Variants in APP observed in about 807,000 individuals in gnomAD.
The protein encoded by APP is amyloid-beta precursor protein.
In APP, 31 loss-of-function variants were observed where a neutral mutation model predicts 101.4. The ratio of observed to expected loss-of-function variants is 0.31; its 90% CI spans 0.23 to 0.41. The LOEUF (loss-of-function observed/expected upper bound fraction) is 0.41. Ranked by LOEUF, APP falls within the 10% of genes least tolerant of loss-of-function variation. The probability of loss-of-function intolerance (pLI) is 1.00; values close to 1 mark genes in which losing one functional copy is unlikely to be tolerated. For synonymous variants in APP, 366 were observed against 364.4 expected (o/e 1.00, Z -0.05); for missense variants, 839 against 1,003.7 (o/e 0.84, Z 2.22).
chr21:26,109,831 C>T lies in APP; in HGVS notation c.225+2148G>A, dbSNP rs148202945. Among the ~76,000 whole-genome samples the T allele has an allele frequency of 2.6e-3, 397 of 152,106 alleles. 5 individuals are homozygous for T. Among genetic ancestry groups the T allele is most frequent in the East Asian group, 0.016 (81 of 5,166 alleles). ...ACTATGACACATGTATCAAAATAGT[C>T]GATTCACCAGAAAAGGACAATTTGG... is the stretch of plus-strand genomic sequence containing the variant. On this transcript the variant is annotated intron_variant, in intron 2 of 17. Coordinates refer to ENST00000346798, the MANE Select transcript of APP (RefSeq NM_000484.4).
intron 13 of APP, among the ~76,000 whole-genome samples, chr21:25,953,701 T>C (rs945848339): frequency 6.6e-6 from 1 of 152,220 alleles, no homozygotes; most frequent in Non-Finnish European, 1.5e-5. Flanking sequence ...GTGAAGTAAG[T>C]TAAACAGTTA....
At chr21:26,140,257 C>A in intron 1 of APP, 1 of 1,535,984 alleles carries the variant, frequency 6.5e-7, no homozygotes, top group South Asian at 1.2e-5. Context: ...TGGAATACTC[C>A]CTGAGATCAA....
chr21:26,062,096 G>A (rs1357297028), intron 3 of APP, among the ~76,000 whole-genome samples: 1 of 152,010 alleles, frequency 6.6e-6, no homozygotes, highest in Non-Finnish European at 1.5e-5. Context: ...TATAGTCCCA[G>A]CTACTCGGGA....
intron 17 of APP, 39 bp from the exon 18 acceptor site, chr21:25,881,810 C>T: frequency 1.3e-6 from 2 of 1,588,480 alleles, no homozygotes; most frequent in South Asian, 2.2e-5. Flanking sequence ...AAATAAAAAT[C>T]AATCTTTTAA....
chr21:25,901,301 A>C (rs1224861336), intron 15 of APP, among the ~76,000 whole-genome samples: 3,941 of 66,688 alleles, frequency 0.059, 213 homozygotes, highest in African/African-American at 0.17. Flanking sequence ...TGTTTTAAAA[A>C]AAAAAAAAAA....
chr21:26,101,552 A>G (rs2062058299), intron 2 of APP, among the ~76,000 whole-genome samples: 1 of 152,200 alleles, frequency 6.6e-6, no homozygotes, highest in Non-Finnish European at 1.5e-5. Flanking sequence ...AAGACTGAAC[A>G]GGCAGCCTTC....
intron 7 of APP, among the ~76,000 whole-genome samples, chr21:25,998,023 GGA>G (rs1432718581): frequency 2.0e-5 from 3 of 152,152 alleles, no homozygotes; most frequent in African/African-American, 4.8e-5. Context: ...CTGATCAAAG[GGA>G]GAGAGTGTTA....
chr21:25,982,412 T>C lies in APP; in HGVS notation c.1156A>G (p.Asn386Asp). 1 of 1,613,308 alleles carries C rather than the reference T, an allele frequency of 6.2e-7. No individual in the cohort carries two copies. The highest frequency in any genetic ancestry group is 1.3e-5 in the African/African-American group (1 of 74,890). The change falls in exon 9 of 18, where the codon AAT (asparagine) becomes GAT (aspartate). Residue 386 changes from asparagine to aspartate, a missense_variant. Asn to Asp is a conservative substitution (Grantham distance 23). Coordinates refer to ENST00000346798, the MANE Select transcript of APP (RefSeq NM_000484.4). ...DKYLETPGDE[N>D]EHAHFQKAKE... ...GCTTTCTGGAAATGGGCATGTTCAT[T>C]CTCATCCCCAGGTGTCTCGAGATAC...
chr21:25,999,236 G>A (rs2043175722), intron 7 of APP, among the ~76,000 whole-genome samples: 1 of 152,128 alleles, frequency 6.6e-6, no homozygotes, highest in African/African-American at 2.4e-5. Context: ...AGGTTGCAGT[G>A]AGCCAAGATC....
chr21:26,132,076 CAAAA>C (rs1028233528), intron 1 of APP, among the ~76,000 whole-genome samples: 2 of 151,668 alleles, frequency 1.3e-5, no homozygotes, highest in African/African-American at 4.8e-5. Context: ...AAAAAATAAA[CAAAA>C]AAATAAGCAA....
At chr21:26,029,591 T>C (rs906319501) in intron 5 of APP, among the ~76,000 whole-genome samples, 1 of 151,878 alleles carries the variant, frequency 6.6e-6, no homozygotes, top group East Asian at 2.0e-4. Flanking sequence ...GGGTAGAGCA[T>C]GTGCAAAGGC....
intron 4 of APP, among the ~76,000 whole-genome samples, chr21:26,052,440 T>C (rs1212148078): frequency 2.7e-5 from 4 of 148,798 alleles, no homozygotes; most frequent in Admixed American, 2.0e-4. Flanking sequence ...TAATTCTAGT[T>C]AGCCTAAGAC....
At chr21:26,038,296 TATTG>T (rs2045213627) in intron 5 of APP, among the ~76,000 whole-genome samples, 1 of 152,160 alleles carries the variant, frequency 6.6e-6, no homozygotes. Context: ...TACGTATTAT[TATTG>T]ATTATGATTA....
intron 1 of APP, among the ~76,000 whole-genome samples, chr21:26,156,250 A>C (rs557362401): frequency 6.6e-6 from 1 of 152,270 alleles, no homozygotes; most frequent in Non-Finnish European, 1.5e-5. Context: ...GTATGAATAG[A>C]CCATTTTTAT....
At chr21:26,008,044 A>T (rs1378970861) in intron 6 of APP, among the ~76,000 whole-genome samples, 1 of 124,818 alleles carries the variant, frequency 8.0e-6, no homozygotes, top group African/African-American at 3.1e-5. Flanking sequence ...TGCTAATGAA[A>T]GCACTGCTTC....
intron 13 of APP, among the ~76,000 whole-genome samples, chr21:25,916,674 T>G (rs1357127843): frequency 6.6e-6 from 1 of 152,198 alleles, no homozygotes; most frequent in Non-Finnish European, 1.5e-5. Flanking sequence ...TTTCAGAACT[T>G]TTAAGCATCT....
At chr21:26,037,072 A>C (rs754270215) in intron 5 of APP, among the ~76,000 whole-genome samples, 2 of 152,222 alleles carry the variant, frequency 1.3e-5, no homozygotes, top group Non-Finnish European at 2.9e-5. Context: ...ATTTGAAGCA[A>C]CATGGATGGA....
chr21:26,084,774 A>G (rs890953189), intron 3 of APP, among the ~76,000 whole-genome samples: 5 of 151,540 alleles, frequency 3.3e-5, no homozygotes, highest in Admixed American at 3.3e-4. Context: ...TTTGTTGAAG[A>G]TCGTATGAAT....
intron 17 of APP, among the ~76,000 whole-genome samples, chr21:25,882,318 T>A (rs45561739): frequency 6.6e-6 from 1 of 150,462 alleles, no homozygotes; most frequent in Non-Finnish European, 1.5e-5. Flanking sequence ...AAGGAGAGGT[T>A]TGAGAATCAA....
Sources: allele counts gnomAD v4.1 joint callset (sites outside exome capture counted in the v4.1 genomes callset), GRCh38; gene constraint gnomAD v4.1.1; transcripts MANE v1.5; gene names NCBI Gene and HGNC (gene_info 2026-07-23, HGNC 2026-07-21).